Variants in PIP4P2 observed in about 807,000 individuals in gnomAD.
PIP4P2 encodes phosphatidylinositol-4,5-bisphosphate 4-phosphatase 2.
In PIP4P2, 19 loss-of-function variants were observed where a neutral mutation model predicts 33.3. That is an observed-to-expected ratio of 0.57 (90% CI 0.40 to 0.84). The LOEUF (loss-of-function observed/expected upper bound fraction) is 0.84, where lower values mean the gene tolerates loss of function less well. Among genes scored for constraint, PIP4P2 ranks in the 40% least tolerant of loss-of-function variants. The pLI is 0.00. For missense variants in PIP4P2, 270 were observed against 324.7 expected (o/e 0.83, Z 1.29); for synonymous variants, 110 against 111.9 (o/e 0.98, Z 0.11).
chr8:90,994,238 T>A lies in PIP4P2; in HGVS notation c.*1439A>T, dbSNP rs532077491. 1.7e-4 allele frequency: 26 copies of A among 152,218 alleles called. No individual in the cohort carries two copies. The highest frequency in any genetic ancestry group is 5.9e-4 in the Admixed American group (9 of 15,302). The allele number at this position is 152,218 out of a possible 1,614,324, so 9.4% of individuals were successfully genotyped here. On this transcript the variant is annotated 3_prime_UTR_variant, in exon 7 of 7. Transcript: ENST00000285419. ...CAAGATTTCAAGGCAACTCTGGAAG[T>A]GACATTATTTTTAATGGAATAAAAC...
In PIP4P2 at chr8:91,040,767, G is replaced by A. The variant is rs889685255; in HGVS notation, c.-18C>T. The A allele has an allele frequency of 5.0e-6, 8 of 1,609,094 alleles. No individual in the cohort carries two copies. In the South Asian group the frequency reaches 7.7e-5, roughly 15 times the overall value. ...GCAGCCATGACTGCGGCAGCGGCGG[G>A]GCCTGGGGAGGCCGAGCCGGGGTTG... On this transcript the variant is annotated 5_prime_UTR_variant, in exon 1 of 7. Coordinates refer to ENST00000285419, the MANE Select transcript of PIP4P2 (RefSeq NM_018710.3).
intron 4 of PIP4P2, among the ~76,000 whole-genome samples, chr8:91,011,806 T>C (rs1811841069): frequency 6.6e-6 from 1 of 152,040 alleles, no homozygotes; most frequent in Non-Finnish European, 1.5e-5. Flanking sequence ...CTTACCATTA[T>C]AGCACTGGTA....
At chr8:91,014,089 A>G (rs571048914) in intron 4 of PIP4P2, among the ~76,000 whole-genome samples, 53 of 152,310 alleles carry the variant, frequency 3.5e-4, no homozygotes, top group African/African-American at 1.3e-3. Flanking sequence ...AAGGATAAAA[A>G]AAGAGGGACT....
At chr8:91,008,646 AT>A in intron 5 of PIP4P2, 96 bp downstream of exon 5, 3 of 1,123,286 alleles carry the variant, frequency 2.7e-6, no homozygotes, top group Non-Finnish European at 4.0e-6. Context: ...ACTCCACAGC[AT>A]GTTTTAAAAT....
intron 1 of PIP4P2, among the ~76,000 whole-genome samples, chr8:91,031,107 A>G (rs1586186327): frequency 6.6e-6 from 1 of 152,354 alleles, no homozygotes; most frequent in East Asian, 1.9e-4. Context: ...TAGTTTTAAT[A>G]ATGACCTATG....
At chr8:91,009,579 C>G (rs1369067865) in intron 4 of PIP4P2, among the ~76,000 whole-genome samples, 1 of 151,766 alleles carries the variant, frequency 6.6e-6, no homozygotes, top group African/African-American at 2.4e-5. Context: ...TCTTTAAGTA[C>G]TTTGGCAGTT....
At chr8:91,014,558 C>G (rs564723844) in intron 4 of PIP4P2, among the ~76,000 whole-genome samples, 2 of 152,102 alleles carry the variant, frequency 1.3e-5, no homozygotes, top group South Asian at 4.2e-4. Flanking sequence ...TTCATAGAAG[C>G]AGAGAGTAGA....
intron 5 of PIP4P2, among the ~76,000 whole-genome samples, chr8:91,005,450 C>T (rs1481208250): frequency 1.3e-5 from 2 of 152,286 alleles, no homozygotes; most frequent in East Asian, 3.9e-4. Context: ...ATCCCTTTCC[C>T]TCTAATCTGG....
chr8:90,995,771 C>A lies in PIP4P2; in HGVS notation c.680G>T (p.Trp227Leu). ...CAATCCTAGGAGATAAGCAATTGCC[C>A]AAGAAACATAGGTTGCTCGAAATCG... ...ARRFRATYVS[W>L]AIAYLLGLIC... Residue 227 changes from tryptophan to leucine, a missense_variant, in exon 7 of 7, where the codon TGG becomes TTG. Physicochemically the swap from Trp to Leu is moderately conservative, Grantham distance 61 (BLOSUM62 -2). Coordinates refer to ENST00000285419, the MANE Select transcript of PIP4P2 (RefSeq NM_018710.3). 6.2e-7 allele frequency: 1 copy of A among 1,612,674 alleles called. No homozygotes were observed. Among genetic ancestry groups the A allele is most frequent in the East Asian group, 2.2e-5 (1 of 44,778 alleles).
chr8:91,026,474 G>A (rs1045420063), intron 1 of PIP4P2, among the ~76,000 whole-genome samples: 4 of 152,094 alleles, frequency 2.6e-5, no homozygotes, highest in African/African-American at 9.7e-5. Context: ...TCATATTTCA[G>A]TTCTGCAGGA....
At position 91,040,835 on chromosome 8, in the gene PIP4P2, C is replaced by CGCTGCTGCCGCTGCAGCTGCT. The variant is rs564728770; in HGVS notation, c.-107_-87dup. 761 of 1,167,314 alleles carry CGCTGCTGCCGCTGCAGCTGCT rather than the reference C, an allele frequency of 6.5e-4. 3 individuals carry two copies. The African/African-American group carries it at 8.4e-3, about 13-fold the overall frequency. 72.3% of individuals were successfully genotyped at this position (1,167,314 alleles called of 1,614,324 possible). On this transcript the variant is annotated 5_prime_UTR_variant, in exon 1 of 7. Transcript: ENST00000285419. ...TGGCTACTGCTGCTGCCTCTGCTGC[C>CGCTGCTGCCGCTGCAGCTGCT]GCTGCTGCCGCTGCAGCTGCTGCTG...
Position 91,000,081 on chromosome 8 carries a change from T to C in PIP4P2, c.540-3337A>G, listed in dbSNP as rs889212666. On this transcript the variant is annotated intron_variant, in intron 5 of 6. Coordinates refer to ENST00000285419, the MANE Select transcript of PIP4P2 (RefSeq NM_018710.3). Reference sequence around the variant, plus strand: ...ATTCATTTGGCAGTTGCACTTAAAATTTTAACTTTCATATGTTTTAAAAAC... The same window carrying C: ...ATTCATTTGGCAGTTGCACTTAAAACTTTAACTTTCATATGTTTTAAAAAC... 2.6e-5 allele frequency among the ~76,000 whole-genome samples: 4 copies of C among 152,002 alleles called. No individual in the cohort carries two copies. The East Asian group carries it at 7.7e-4, about 29-fold the overall frequency.
At position 91,023,185 on chromosome 8, in the gene PIP4P2, T is replaced by C. The variant is rs577647475; in HGVS notation, c.107-1781A>G. On this transcript the variant is annotated intron_variant, in intron 1 of 6. Transcript: ENST00000285419. ...TCAAGACACACTGCCTGGTATATGA[T>C]AATGAATATTATTTTAATAATTATT... 6.6e-5 allele frequency among the ~76,000 whole-genome samples: 10 copies of C among 150,926 alleles called. No individual in the cohort carries two copies. The South Asian group carries it at 1.0e-3, about 16-fold the overall frequency.
intron 5 of PIP4P2, among the ~76,000 whole-genome samples, chr8:91,003,585 G>T: frequency 6.6e-6 from 1 of 152,062 alleles, no homozygotes; most frequent in East Asian, 1.9e-4. Context: ...AGTAAGGTGG[G>T]AATGCTGGGT....
Position 91,019,488 on chromosome 8 carries a change from G to C in PIP4P2, c.362+669C>G, listed in dbSNP as rs74797956. The stretch of plus-strand genomic sequence containing the variant: ...AGCTACTCAGGAGGAGGCTATAGTG[G>C]GAAGGCTTTCAGGGCAGAAGGTAGA... On this transcript the variant is annotated intron_variant, in intron 3 of 6. Transcript: ENST00000285419. 3.4e-3 allele frequency among the ~76,000 whole-genome samples: 510 copies of C among 150,778 alleles called. 2 individuals carry two copies. The highest frequency in any genetic ancestry group is 6.0e-3 in the Admixed American group (90 of 15,124).
intron 5 of PIP4P2, among the ~76,000 whole-genome samples, chr8:90,997,308 T>A (rs919146440): frequency 3.3e-5 from 5 of 152,078 alleles, no homozygotes; most frequent in Non-Finnish European, 7.4e-5. Flanking sequence ...CAAACTAAAA[T>A]TCTGATGGAT....
intron 1 of PIP4P2, among the ~76,000 whole-genome samples, chr8:91,026,791 C>A (rs564213450): frequency 1.1e-4 from 16 of 152,234 alleles, no homozygotes; most frequent in Non-Finnish European, 2.2e-4. Flanking sequence ...AAATGCTATG[C>A]CAAACTCCTT....
chr8:91,018,507 C>T lies in PIP4P2; in HGVS notation c.369G>A (p.Arg123=). The T allele has an allele frequency of 6.2e-7, 1 of 1,613,050 alleles. No homozygotes were observed. The highest frequency in any genetic ancestry group is 8.5e-7 in the Non-Finnish European group (1 of 1,179,730). Residue 123 remains arginine (R), a synonymous_variant, in exon 4 of 7, where the codon CGG becomes CGA. Coordinates refer to ENST00000285419, the MANE Select transcript of PIP4P2 (RefSeq NM_018710.3). ...RIGCPRPNCR[R]IINLGPVMLI... ...GCATTACTGGGCCAAGGTTAATTAT[C>T]CGTCTACTGTGAAAAGAGAAAGGAA...
intron 5 of PIP4P2, among the ~76,000 whole-genome samples, chr8:90,997,342 T>C (rs968647070): frequency 2.6e-5 from 4 of 152,092 alleles, no homozygotes; most frequent in Non-Finnish European, 4.4e-5. Context: ...TTAAAAAATT[T>C]TCTACTATTG....
Sources: gnomAD v4.1 joint callset for allele counts (sites outside exome capture counted in the v4.1 genomes callset) on GRCh38, gnomAD v4.1.1 for gene constraint, MANE v1.5 for transcripts, NCBI Gene and HGNC (gene_info 2026-07-23, HGNC 2026-07-21) for gene names.